MLLT10: variants seen among roughly 807,000 people sequenced by gnomAD.
MLLT10 encodes the protein protein AF-10.
In MLLT10, 30 loss-of-function variants were observed where a neutral mutation model predicts 129.1. The observed-to-expected ratio is 0.23, with a 90% CI of 0.17 to 0.32. The LOEUF is 0.32. MLLT10 is among the 10% of genes least tolerant of loss of function. The pLI, the probability that MLLT10 is intolerant of heterozygous loss-of-function variation, is 1.00. For missense variants in MLLT10, 1,119 were observed against 1,268.3 expected (o/e 0.88, Z 1.79); for synonymous variants, 490 against 446.4 (o/e 1.10, Z -1.23).
intron 1 of MLLT10, 42 bp from the exon 2 acceptor site, chr10:21,534,603 G>C (rs1484189422): frequency 6.3e-7 from 1 of 1,589,254 alleles, no homozygotes; most frequent in Non-Finnish European, 8.6e-7. Flanking sequence ...GCACTAATCG[G>C]CTTGCATGTG....
At chr10:21,534,043 C>A (rs906662894), upstream of MLLT10, 2 of 166,628 alleles carry the variant, frequency 1.2e-5, no homozygotes, top group Non-Finnish European at 2.6e-5. Context: ...CGCGCCCGTT[C>A]ATTCCGGCCT....
chr10:21,683,458 G>A (rs2052957240), intron 13 of MLLT10, among the ~76,000 whole-genome samples: 1 of 152,186 alleles, frequency 6.6e-6, no homozygotes, highest in Non-Finnish European at 1.5e-5. Flanking sequence ...ATCATCTTCA[G>A]TTTGCATAAG....
chr10:21,734,910 T>C (rs1267894047), intron 20 of MLLT10, among the ~76,000 whole-genome samples: 1 of 152,250 alleles, frequency 6.6e-6, no homozygotes, highest in Non-Finnish European at 1.5e-5. Context: ...CTATTTGTTT[T>C]ATAATAAAAA....
chr10:21,683,807 C>T (rs1186433742), intron 13 of MLLT10, among the ~76,000 whole-genome samples: 1 of 151,086 alleles, frequency 6.6e-6, no homozygotes, highest in Non-Finnish European at 1.5e-5. Flanking sequence ...AGTGCAGTGG[C>T]GTGATATTGG....
At chr10:21,676,723 A>G in intron 11 of MLLT10, among the ~76,000 whole-genome samples, 1 of 95,864 alleles carries the variant, frequency 1.0e-5, no homozygotes, top group South Asian at 2.6e-4. Flanking sequence ...TCCATCTCAA[A>G]AAAAAAAAAA....
chr10:21,729,850 C>T (rs1204587398), intron 16 of MLLT10, among the ~76,000 whole-genome samples: 1 of 152,000 alleles, frequency 6.6e-6, no homozygotes, highest in Non-Finnish European at 1.5e-5. Context: ...CTTATTTAAA[C>T]CAAAAAGTGT....
At chr10:21,661,492 C>A (rs943917293) in intron 9 of MLLT10, 6 of 152,096 alleles carry the variant, frequency 3.9e-5, no homozygotes, top group Non-Finnish European at 5.9e-5. Context: ...AGTATTAACA[C>A]CTTTATCTTA....
chr10:21,589,525 T>A (rs2042299843), intron 4 of MLLT10, among the ~76,000 whole-genome samples: 1 of 152,128 alleles, frequency 6.6e-6, no homozygotes, highest in Admixed American at 6.6e-5. Context: ...TTTCCTATTC[T>A]GGTTTGTTTC....
At position 21,713,761 on chromosome 10, in the gene MLLT10, T is replaced by G; in HGVS notation, c.1700-11T>G. ...CTAAGTTATATTTAAATAACATTTG[T>G]TTTTTTGCAGGTATTTATAACAGCA... is the stretch of plus-strand genomic sequence containing the variant. On this transcript the variant is annotated splice_polypyrimidine_tract_variant and intron_variant, in intron 13 of 22. Transcript: ENST00000307729. The G allele has an allele frequency of 6.3e-7, 1 of 1,599,994 alleles. No individual in the cohort carries two copies. The highest frequency in any genetic ancestry group is 1.7e-4 in the Middle Eastern group (1 of 5,850).
intron 6 of MLLT10, among the ~76,000 whole-genome samples, chr10:21,614,476 A>G (rs2045025975): frequency 6.6e-6 from 1 of 152,124 alleles, no homozygotes; most frequent in Admixed American, 6.6e-5. Context: ...CCTGTGACAG[A>G]TTGAAAAAGT....
At chr10:21,729,437 T>C (rs959801014) in intron 16 of MLLT10, among the ~76,000 whole-genome samples, 2 of 152,230 alleles carry the variant, frequency 1.3e-5, no homozygotes, top group Non-Finnish European at 2.9e-5. Context: ...GCCTGAGATG[T>C]AACAGCCTAA....
chr10:21,627,825 A>T (rs2046605278), intron 8 of MLLT10, among the ~76,000 whole-genome samples: 1 of 151,516 alleles, frequency 6.6e-6, no homozygotes, highest in African/African-American at 2.4e-5. Flanking sequence ...TTATTTCTGT[A>T]CTCCTGCTTT....
In MLLT10 at chr10:21,673,537, T is replaced by G. The variant is rs746139836; in HGVS notation, c.1239T>G (p.Ser413Arg). 5 of 1,613,124 alleles carry G rather than the reference T, an allele frequency of 3.1e-6. No individual in the cohort carries two copies. In the East Asian group the frequency reaches 1.1e-4, roughly 36 times the overall value. The change falls in exon 11 of 23, where the codon AGT becomes AGG. Residue 413 changes from serine (S) to arginine (R), a missense_variant. By Grantham distance (110) the Ser-to-Arg change is moderately radical. Coordinates refer to ENST00000307729, the MANE Select transcript of MLLT10 (RefSeq NM_001195626.3). ...ESGSQEGGVN[S>R]FSTLIGLPST... ...GAAGCCAGGAAGGGGGGGTAAATAG[T>G]TTTAGTACCTTAATTGGCCTCCCTT...
chr10:21,709,520 C>T (rs749894180), intron 13 of MLLT10, among the ~76,000 whole-genome samples: 11 of 152,240 alleles, frequency 7.2e-5, no homozygotes, highest in South Asian at 2.1e-4. Flanking sequence ...TGTGAGCCAC[C>T]GCATCTGGCT....
intron 9 of MLLT10, among the ~76,000 whole-genome samples, chr10:21,658,801 C>T (rs2049873205): frequency 1.3e-5 from 2 of 152,072 alleles, no homozygotes; most frequent in Admixed American, 6.5e-5. Context: ...GTAACTGGGA[C>T]TACAGGCGCC....
At chr10:21,666,232 A>T (rs886315529) in intron 9 of MLLT10, among the ~76,000 whole-genome samples, 5 of 152,198 alleles carry the variant, frequency 3.3e-5, no homozygotes, top group Non-Finnish European at 7.3e-5. Flanking sequence ...ACTAGTTTAC[A>T]TAAAGTATAA....
chr10:21,681,438 A>G (rs2052728479), intron 12 of MLLT10, 62 bp downstream of exon 12: 1 of 1,132,648 alleles, frequency 8.8e-7, no homozygotes, highest in Non-Finnish European at 1.3e-6. Flanking sequence ...TCTTTCTAGT[A>G]TGTTATGCCA....
rs1409357002 is a variant in MLLT10, at chr10:21,652,918, A to G, written c.795+1150A>G. 2.0e-5 allele frequency among the ~76,000 whole-genome samples: 3 copies of G among 152,188 alleles called. No homozygotes were observed. In the East Asian group the frequency reaches 5.8e-4, roughly 29 times the overall value. ...AGCCCACCTGACTTTCTTACAGATA[A>G]GTTAGAGGCATATGAGAAAGAGAGG... is the stretch of plus-strand genomic sequence containing the variant. On this transcript the variant is annotated intron_variant, in intron 9 of 22. Coordinates refer to ENST00000307729, the MANE Select transcript of MLLT10 (RefSeq NM_001195626.3).
chr10:21,627,758 T>A (rs1299322957), intron 8 of MLLT10, among the ~76,000 whole-genome samples: 1 of 152,240 alleles, frequency 6.6e-6, no homozygotes, highest in Non-Finnish European at 1.5e-5. Flanking sequence ...AGACTGGAAA[T>A]TTTTAAAACC....
Sources: allele counts gnomAD v4.1 joint callset (sites outside exome capture counted in the v4.1 genomes callset), GRCh38; gene constraint gnomAD v4.1.1; transcripts MANE v1.5; gene names NCBI Gene and HGNC (gene_info 2026-07-23, HGNC 2026-07-21).